Variants in SCAPER observed in about 807,000 individuals in gnomAD.
The protein encoded by SCAPER is S-phase cyclin A associated protein in the ER.
SCAPER carries 98 observed loss-of-function variants against 182.2 expected under a neutral mutation model. The ratio of observed to expected loss-of-function variants is 0.54; its 90% confidence interval spans 0.46 to 0.64. The LOEUF (loss-of-function observed/expected upper bound fraction) is 0.64. Ranked by LOEUF, SCAPER falls within the 30% of genes least tolerant of loss-of-function variation. SCAPER has a pLI of 0.00. For missense variants in SCAPER, 1,432 were observed against 1,690.0 expected (o/e 0.85, Z 2.68); for synonymous variants, 605 against 564.6 (o/e 1.07, Z -1.01).
intron 21 of SCAPER, among the ~76,000 whole-genome samples, chr15:76,651,061 AAG>A (rs1360236465): frequency 6.6e-6 from 1 of 152,138 alleles, no homozygotes; most frequent in African/African-American, 2.4e-5. Flanking sequence ...ATTATAAAAA[AAG>A]AGCTTTCAAA....
At chr15:76,798,706 T>C (rs1443540657) in intron 7 of SCAPER, among the ~76,000 whole-genome samples, 2 of 152,038 alleles carry the variant, frequency 1.3e-5, no homozygotes, top group Admixed American at 6.6e-5. Context: ...TAACAGCTGA[T>C]TTCCCATCAG....
chr15:76,574,054 C>A, intron 23 of SCAPER, 104 bp downstream of exon 23: 4 of 1,084,682 alleles, frequency 3.7e-6, no homozygotes, highest in Admixed American at 4.0e-5. Context: ...TTAAAAAACA[C>A]AGAAGAAAGG....
intron 23 of SCAPER, among the ~76,000 whole-genome samples, chr15:76,523,392 A>G (rs1468306202): frequency 6.6e-6 from 1 of 152,110 alleles, no homozygotes; most frequent in Non-Finnish European, 1.5e-5. Context: ...AGAAGTACTG[A>G]GCTATGGTTC....
At chr15:76,710,989 CT>C (rs370224909) in intron 17 of SCAPER, among the ~76,000 whole-genome samples, 235 of 152,040 alleles carry the variant, frequency 1.5e-3, no homozygotes, top group Non-Finnish European at 1.9e-3. Context: ...AAAGGATAAC[CT>C]TTTCAATAAA....
chr15:76,511,191 A>G (rs1314844103), intron 23 of SCAPER, among the ~76,000 whole-genome samples: 1 of 152,196 alleles, frequency 6.6e-6, no homozygotes, highest in Non-Finnish European at 1.5e-5. Context: ...AATCTCACAA[A>G]TCACCACTTA....
At chr15:76,616,499 G>T (rs1005152293) in intron 22 of SCAPER, among the ~76,000 whole-genome samples, 1 of 152,078 alleles carries the variant, frequency 6.6e-6, no homozygotes, top group African/African-American at 2.4e-5. Context: ...TGTTTAATGG[G>T]TATAGTTATA....
intron 5 of SCAPER, among the ~76,000 whole-genome samples, chr15:76,827,083 G>A (rs182346013): frequency 5.3e-5 from 8 of 152,208 alleles, no homozygotes; most frequent in East Asian, 3.9e-4. Context: ...AAAAAAGTAA[G>A]GTGGAACTGG....
At chr15:76,835,023 G>A (rs1850270935) in intron 5 of SCAPER, among the ~76,000 whole-genome samples, 1 of 152,076 alleles carries the variant, frequency 6.6e-6, no homozygotes, top group African/African-American at 2.4e-5. Context: ...AAAATTGGAT[G>A]TTGGCAGAGA....
intron 21 of SCAPER, among the ~76,000 whole-genome samples, chr15:76,654,222 A>G (rs1019066646): frequency 3.3e-5 from 5 of 152,202 alleles, no homozygotes; most frequent in Non-Finnish European, 7.4e-5. Context: ...CTAACACGGT[A>G]AAACTCTGTC....
intron 28 of SCAPER, chr15:76,380,000 A>G (rs2042845110): frequency 6.6e-6 from 1 of 152,204 alleles, no homozygotes; most frequent in Admixed American, 6.5e-5. Context: ...AAGCTAAGAG[A>G]CAGTTTTTAG....
intron 8 of SCAPER, among the ~76,000 whole-genome samples, chr15:76,779,067 T>A (rs972092309): frequency 3.3e-5 from 5 of 152,048 alleles, no homozygotes; most frequent in African/African-American, 1.2e-4. Context: ...ATAGGATACA[T>A]TCCTAAATGT....
chr15:76,776,662 A>C (rs1033340895), intron 8 of SCAPER, among the ~76,000 whole-genome samples: 1 of 152,050 alleles, frequency 6.6e-6, no homozygotes, highest in Non-Finnish European at 1.5e-5. Flanking sequence ...ATCCCACCCC[A>C]ACCTACAGTA....
At chr15:76,735,191 T>A (rs564815856) in intron 15 of SCAPER, among the ~76,000 whole-genome samples, 1 of 151,536 alleles carries the variant, frequency 6.6e-6, no homozygotes, top group Admixed American at 6.6e-5. Context: ...TAAATATAAA[T>A]ATATACAGAT....
intron 20 of SCAPER, among the ~76,000 whole-genome samples, chr15:76,700,389 C>A (rs1435109755): frequency 1.3e-5 from 2 of 152,202 alleles, no homozygotes; most frequent in Non-Finnish European, 2.9e-5. Context: ...CCGTGGGGGT[C>A]ATGGGGTCTC....
At chr15:76,904,249 C>T (rs1485127165) in intron 1 of SCAPER, among the ~76,000 whole-genome samples, 5 of 152,114 alleles carry the variant, frequency 3.3e-5, no homozygotes, top group African/African-American at 9.7e-5. Flanking sequence ...ACCTTTTGAG[C>T]CCCCGTTTCT....
intron 25 of SCAPER, among the ~76,000 whole-genome samples, chr15:76,442,024 G>T (rs1165388408): frequency 6.6e-6 from 1 of 151,728 alleles, no homozygotes; most frequent in Non-Finnish European, 1.5e-5. Flanking sequence ...GAGAAAACCA[G>T]CATTAAATAT....
intron 5 of SCAPER, among the ~76,000 whole-genome samples, chr15:76,824,353 C>T (rs147093739): frequency 1.1e-3 from 168 of 152,308 alleles, no homozygotes; most frequent in Non-Finnish European, 8.7e-4. Flanking sequence ...GGAAGGTTGG[C>T]GCCATCCCTT....
intron 23 of SCAPER, among the ~76,000 whole-genome samples, chr15:76,534,883 T>A (rs1158109099): frequency 6.6e-6 from 1 of 152,196 alleles, no homozygotes; most frequent in African/African-American, 2.4e-5. Context: ...ATGTTTATAA[T>A]TCCTACATCT....
intron 5 of SCAPER, among the ~76,000 whole-genome samples, chr15:76,827,966 G>A (rs1167161586): frequency 6.6e-6 from 1 of 152,118 alleles, no homozygotes; most frequent in African/African-American, 2.4e-5. Context: ...ATTGGGCCAT[G>A]AGGGCTCTGC....
Sources: allele counts gnomAD v4.1 joint callset (sites outside exome capture counted in the v4.1 genomes callset), GRCh38; gene constraint gnomAD v4.1.1; transcripts MANE v1.5; gene names NCBI Gene and HGNC (gene_info 2026-07-23, HGNC 2026-07-21).